The following CCDC88C variants were observed in gnomAD, a reference collection of about 807,000 sequenced individuals.
The protein encoded by CCDC88C is coiled-coil and HOOK domain protein 88C.
In CCDC88C, 131 loss-of-function variants were observed where a neutral mutation model predicts 198.8. The observed-to-expected ratio is 0.66, with a 90% confidence interval of 0.57 to 0.76. The LOEUF is 0.76. Among genes scored for constraint, CCDC88C ranks in the 30% least tolerant of loss-of-function variants. The pLI is 0.00. For synonymous variants in CCDC88C, 1,166 were observed against 1,114.7 expected (o/e 1.05, Z -0.92); for missense variants, 2,553 against 2,631.6 (o/e 0.97, Z 0.65).
intron 27 of CCDC88C, among the ~76,000 whole-genome samples, chr14:91,280,732 A>G (rs1393147083): frequency 6.6e-6 from 1 of 152,214 alleles, no homozygotes; most frequent in South Asian, 2.1e-4. Flanking sequence ...ATTAGCCTCC[A>G]CTCAGTGTAA....
At chr14:91,280,767 A>G (rs1468067342) in intron 27 of CCDC88C, among the ~76,000 whole-genome samples, 1 of 152,166 alleles carries the variant, frequency 6.6e-6, no homozygotes, top group Non-Finnish European at 1.5e-5. Context: ...CATTCATTCA[A>G]TTGTTTCATT....
intron 3 of CCDC88C, among the ~76,000 whole-genome samples, chr14:91,394,192 G>A (rs1268701135): frequency 1.3e-5 from 2 of 152,112 alleles, no homozygotes; most frequent in Non-Finnish European, 2.9e-5. Flanking sequence ...CACCCCCCAG[G>A]GACTGAGCCT....
intron 20 of CCDC88C, among the ~76,000 whole-genome samples, chr14:91,301,018 A>G (rs942948737): frequency 7.2e-5 from 11 of 152,206 alleles, no homozygotes; most frequent in African/African-American, 2.7e-4. Flanking sequence ...CTTTCTCTTC[A>G]GGACTCCACT....
chr14:91,343,539 C>G, intron 5 of CCDC88C, 60 bp downstream of exon 5: 1 of 1,606,540 alleles, frequency 6.2e-7, no homozygotes. Context: ...TCAAGTCCCG[C>G]AAACCCAATA....
rs1885451178 is a variant in CCDC88C at position 91,390,633 on chromosome 14, C to T, written c.270+18026G>A. 2.6e-5 allele frequency among the ~76,000 whole-genome samples: 4 copies of T among 152,352 alleles called. No homozygotes were observed. The South Asian group carries it at 8.3e-4, about 32-fold the overall frequency. ...TCCATGGCCAGCCCACTGCACCTTC[C>T]CAGTGGCCAGTGGCCATACCAAAGT... On this transcript the variant is annotated intron_variant, in intron 3 of 29. Transcript: ENST00000389857.
At chr14:91,369,931 G>A (rs1225003218) in intron 3 of CCDC88C, among the ~76,000 whole-genome samples, 1 of 152,166 alleles carries the variant, frequency 6.6e-6, no homozygotes, top group Non-Finnish European at 1.5e-5. Context: ...AGGCTACCAC[G>A]TCATCAGAAA....
chr14:91,301,585 T>C (rs1461775424), intron 20 of CCDC88C, among the ~76,000 whole-genome samples: 2 of 152,112 alleles, frequency 1.3e-5, no homozygotes, highest in East Asian at 1.9e-4. Context: ...GGTGTGGTGG[T>C]GCATGCCTGT....
At chr14:91,366,530 C>A (rs887085146) in intron 3 of CCDC88C, among the ~76,000 whole-genome samples, 4 of 151,084 alleles carry the variant, frequency 2.6e-5, no homozygotes, top group Non-Finnish European at 4.4e-5. Context: ...AAACAAAAAA[C>A]CATGTATCTG....
chr14:91,300,250 T>C (rs1433830637), intron 20 of CCDC88C, among the ~76,000 whole-genome samples, 180 bp from the exon 21 acceptor site: 1 of 152,160 alleles, frequency 6.6e-6, no homozygotes, highest in Non-Finnish European at 1.5e-5. Context: ...CTGGGAGCCA[T>C]GTCAAGGCCA....
In CCDC88C at chr14:91,359,627, G is replaced by A. The variant is rs771636897; in HGVS notation, c.340+15C>T. On this transcript the variant is annotated intron_variant, in intron 4 of 29. Transcript: ENST00000389857. Reference sequence around the variant, plus strand: ...GCTGGGCACCACAGGGGAGAAGGGAGCGGCTTTCACTCACCAGACAGTGGG... The same window carrying A: ...GCTGGGCACCACAGGGGAGAAGGGAACGGCTTTCACTCACCAGACAGTGGG... 1 of 1,598,480 alleles carries A rather than the reference G, an allele frequency of 6.3e-7. No individual in the cohort carries two copies. Among genetic ancestry groups the A allele is most frequent in the Non-Finnish European group, 8.5e-7 (1 of 1,171,936 alleles).
rs935425414 is a variant in CCDC88C at position 91,303,886 on chromosome 14, G to A, written c.3450C>T (p.Asn1150=). 5.6e-6 allele frequency: 9 copies of A among 1,613,040 alleles called. No individual in the cohort carries two copies. Among genetic ancestry groups the A allele is most frequent in the East Asian group, 2.2e-5 (1 of 44,886 alleles). Residue 1150 remains asparagine, a synonymous_variant, in exon 20 of 30, where the codon AAC becomes AAT. Coordinates refer to ENST00000389857, the MANE Select transcript of CCDC88C (RefSeq NM_001080414.4). ...GCTCCTGCTGCCTCTGCAGGCTTTC[G>A]TTCTCCGTCTCCTTGGCCGTGTGGT... ...QNHHTAKETE[N]ESLQRQQEQL... is the part of the protein sequence containing the mutation.
intron 13 of CCDC88C, among the ~76,000 whole-genome samples, chr14:91,320,583 G>A (rs1892314048): frequency 6.6e-6 from 1 of 152,246 alleles, no homozygotes; most frequent in East Asian, 1.9e-4. Flanking sequence ...AGAAGCACAG[G>A]TGACAATCCG....
chr14:91,325,895 CA>C lies in CCDC88C; in HGVS notation c.1197+14del. 6.5e-7 allele frequency: 1 copy of C among 1,548,586 alleles called. No individual in the cohort carries two copies. The highest frequency in any genetic ancestry group is 8.7e-7 in the Non-Finnish European group (1 of 1,144,928). The stretch of plus-strand genomic sequence containing the variant: ...CAATCTGTTTTCAATGTAGTAACAA[CA>C]CAGCCTGCAGTACCAATTCCAGGTC... On this transcript the variant is annotated intron_variant, in intron 11 of 29. Coordinates refer to ENST00000389857, the MANE Select transcript of CCDC88C (RefSeq NM_001080414.4). This position sits in a 1 kb window ranked among gnomAD's most constrained non-coding sequence, Gnocchi z 4.1.
At chr14:91,346,860 C>G (rs1050361987) in intron 4 of CCDC88C, among the ~76,000 whole-genome samples, 3 of 152,166 alleles carry the variant, frequency 2.0e-5, no homozygotes, top group African/African-American at 7.2e-5. Context: ...AATTGCTCCA[C>G]TGCACTCCAG....
At chr14:91,297,865 G>T (rs1387501270) in intron 21 of CCDC88C, among the ~76,000 whole-genome samples, 1 of 152,148 alleles carries the variant, frequency 6.6e-6, no homozygotes, top group Non-Finnish European at 1.5e-5. Flanking sequence ...TTAAAAAAAT[G>T]TTTAAACCAC....
At chr14:91,303,535 C>CT (rs1891415626) in intron 20 of CCDC88C, among the ~76,000 whole-genome samples, 166 bp downstream of exon 20, 1 of 146,364 alleles carries the variant, frequency 6.8e-6, no homozygotes, top group Admixed American at 6.8e-5. Flanking sequence ...CTCTATCACT[C>CT]TCCCCCAGGT....
At position 91,319,589 on chromosome 14, in the gene CCDC88C, C is replaced by T. The variant is rs74815632; in HGVS notation, c.1527+1531G>A. On this transcript the variant is annotated intron_variant, in intron 13 of 29. Transcript: ENST00000389857. ...AGTCAACAACTCAACGTCTGGTATTCGGTACCTTACTGGTTCTTCTCCCTG... is the reference window on the plus strand; with the variant it reads ...AGTCAACAACTCAACGTCTGGTATTTGGTACCTTACTGGTTCTTCTCCCTG... 1.6e-3 allele frequency among the ~76,000 whole-genome samples: 242 copies of T among 152,340 alleles called. 1 individual carries two copies. Among genetic ancestry groups the T allele is most frequent in the Non-Finnish European group, 2.3e-3 (158 of 68,024 alleles).
chr14:91,281,157 C>T (rs997585577), intron 27 of CCDC88C: 2 of 565,244 alleles, frequency 3.5e-6, no homozygotes, highest in African/African-American at 3.8e-5. Context: ...ATGAACGCTC[C>T]CCACCTGGGC....
At chr14:91,283,246 CCT>C in intron 26 of CCDC88C, 81 bp downstream of exon 26, 7 of 1,390,406 alleles carry the variant, frequency 5.0e-6, no homozygotes, top group Non-Finnish European at 6.9e-6. Context: ...GGGAGAGCAA[CCT>C]CTCTGATTTC....
Sources: allele counts gnomAD v4.1 joint callset (sites outside exome capture counted in the v4.1 genomes callset), GRCh38; gene constraint gnomAD v4.1.1; non-coding constraint Gnocchi (gnomAD v3.1); transcripts MANE v1.5; gene names NCBI Gene and HGNC (gene_info 2026-07-23, HGNC 2026-07-21).